Variants in STK33 observed in about 807,000 individuals in gnomAD.
STK33 encodes the protein serine/threonine-protein kinase 33.
STK33 carries 52 observed loss-of-function variants against 58.0 expected under a neutral mutation model. The ratio of observed to expected loss-of-function variants is 0.90; its 90% CI spans 0.72 to 1.13. The LOEUF (loss-of-function observed/expected upper bound fraction) is 1.13, where lower values mean the gene tolerates loss of function less well. Among genes scored for constraint, STK33 ranks in the 50% most tolerant of loss-of-function variants. STK33 has a pLI of 0.00. For synonymous variants in STK33, 215 were observed against 200.1 expected (o/e 1.07, Z -0.63); for missense variants, 630 against 604.2 (o/e 1.04, Z -0.45).
At chr11:8,479,266 C>T (rs1219088437) in intron 2 of STK33, among the ~76,000 whole-genome samples, 3 of 151,906 alleles carry the variant, frequency 2.0e-5, no homozygotes, top group Non-Finnish European at 1.5e-5. Context: ...AACCCCATCT[C>T]TACTAAAAAT....
chr11:8,379,818 T>C, the STK33 span, among the ~76,000 whole-genome samples: 1 of 151,970 alleles, frequency 6.6e-6, no homozygotes, highest in African/African-American at 2.4e-5. Flanking sequence ...GTGGTTCCCC[T>C]CTTTGTGCTA....
rs566537103 is a variant in STK33 at position 8,457,260 on chromosome 11, T to C, written c.697+81A>G. ...TTAGCAGGTGTTATTTATATGACTA[T>C]GAATCTGGAATACAATTACCCTTAA... On this transcript the variant is annotated intron_variant, in intron 9 of 15. Coordinates refer to ENST00000687296, the MANE Select transcript of STK33 (RefSeq NM_001352389.2). 2.2e-5 allele frequency: 28 copies of C among 1,273,106 alleles called. No individual in the cohort carries two copies. In the South Asian group the frequency reaches 5.0e-4, roughly 23 times the overall value. The allele number at this position is 1,273,106 out of a possible 1,614,324, so 78.9% of individuals were successfully genotyped here. A position where few individuals can be genotyped will look rare whatever the true frequency, so the allele number is the denominator to read the frequency against.
At chr11:8,412,300 C>T (rs1172088703) in intron 15 of STK33, among the ~76,000 whole-genome samples, 3 of 152,064 alleles carry the variant, frequency 2.0e-5, no homozygotes, top group Non-Finnish European at 2.9e-5. Flanking sequence ...ATAAAATACA[C>T]TCAAGAGCTA....
intron 15 of STK33, among the ~76,000 whole-genome samples, chr11:8,409,090 G>C (rs1409830559): frequency 6.6e-6 from 1 of 152,184 alleles, no homozygotes; most frequent in African/African-American, 2.4e-5. Context: ...GGTCAACCTT[G>C]CAAATAAATA....
At chr11:8,503,225 C>T (rs1951639692) in intron 1 of STK33, among the ~76,000 whole-genome samples, 1 of 152,154 alleles carries the variant, frequency 6.6e-6, no homozygotes, top group Non-Finnish European at 1.5e-5. Flanking sequence ...CCTAAATGTC[C>T]ATCCACGGTA....
intron 14 of STK33, among the ~76,000 whole-genome samples, chr11:8,414,696 CAATT>C (rs1940858044): frequency 6.6e-6 from 1 of 152,110 alleles, no homozygotes; most frequent in African/African-American, 2.4e-5. Context: ...GATCACTACG[CAATT>C]AATTCTCTGT....
the STK33 span, among the ~76,000 whole-genome samples, chr11:8,372,695 C>T: frequency 2.0e-5 from 3 of 152,258 alleles, no homozygotes; most frequent in South Asian, 2.1e-4. Context: ...CTGGGACAGG[C>T]GTACTGCCTC....
intron 1 of STK33, among the ~76,000 whole-genome samples, chr11:8,507,092 T>A (rs919244424): frequency 3.9e-5 from 6 of 152,170 alleles, no homozygotes; most frequent in Non-Finnish European, 7.3e-5. Context: ...GAAAATTCAG[T>A]CCATTTTCCA....
the STK33 span, among the ~76,000 whole-genome samples, chr11:8,380,947 A>C: frequency 1.3e-5 from 2 of 152,346 alleles, no homozygotes; most frequent in African/African-American, 4.8e-5. Flanking sequence ...AAAAAGAATG[A>C]AATAATGTCT....
At chr11:8,374,273 C>T in the STK33 span, among the ~76,000 whole-genome samples, 1 of 152,192 alleles carries the variant, frequency 6.6e-6, no homozygotes, top group Non-Finnish European at 1.5e-5. Flanking sequence ...CTCCCTAGCT[C>T]CCACCCCCAA....
chr11:8,375,221 C>T, the STK33 span, among the ~76,000 whole-genome samples: 2 of 152,196 alleles, frequency 1.3e-5, no homozygotes, highest in African/African-American at 4.8e-5. Flanking sequence ...TCAATTTAGT[C>T]GCTTGTTGGT....
At chr11:8,534,568 CTGTG>C (rs34999243) in intron 1 of STK33, among the ~76,000 whole-genome samples, 11 of 104,692 alleles carry the variant, frequency 1.1e-4, no homozygotes, top group African/African-American at 1.6e-4. Context: ...CTCTCTCTCT[CTGTG>C]TGTGTGTGTG....
chr11:8,409,842 A>G (rs547844351), intron 15 of STK33, among the ~76,000 whole-genome samples: 1 of 152,272 alleles, frequency 6.6e-6, no homozygotes, highest in African/African-American at 2.4e-5. Context: ...GCATGATTTC[A>G]CCTAGCACTT....
chr11:8,335,999 C>T, the STK33 span, among the ~76,000 whole-genome samples: 1 of 152,184 alleles, frequency 6.6e-6, no homozygotes, highest in African/African-American at 2.4e-5. Context: ...TTGCTCATGG[C>T]CAAATGCAAA....
At chr11:8,523,781 G>A (rs926741998) in intron 1 of STK33, among the ~76,000 whole-genome samples, 2 of 152,118 alleles carry the variant, frequency 1.3e-5, no homozygotes, top group Admixed American at 6.5e-5. Flanking sequence ...GGGAAGTGAG[G>A]AGCCCCTCTG....
intron 1 of STK33, among the ~76,000 whole-genome samples, chr11:8,573,359 G>T (rs1056039458): frequency 3.9e-5 from 6 of 152,090 alleles, no homozygotes; most frequent in Admixed American, 1.3e-4. Flanking sequence ...TTAGGCTTTG[G>T]GGAAATGTGA....
At chr11:8,589,192 T>C (rs1265807401) in intron 1 of STK33, among the ~76,000 whole-genome samples, 1 of 151,994 alleles carries the variant, frequency 6.6e-6, no homozygotes, top group Non-Finnish European at 1.5e-5. Flanking sequence ...TAATATATGT[T>C]CACACAAAAA....
intron 15 of STK33, among the ~76,000 whole-genome samples, chr11:8,409,750 A>G (rs1939888061): frequency 6.6e-6 from 1 of 152,180 alleles, no homozygotes; most frequent in Admixed American, 6.5e-5. Flanking sequence ...GTAATATTCT[A>G]TATACATTTT....
rs147605900 is a variant in STK33 at position 8,592,045 on chromosome 11, T to C, written c.-466+2038A>G. Reference sequence around the variant, plus strand: ...TTCCTTGTCTGTCTTGGTCTTTGCCTCCTACCTGGATGCTCTCTTTCTTCC... The same window carrying C: ...TTCCTTGTCTGTCTTGGTCTTTGCCCCCTACCTGGATGCTCTCTTTCTTCC... On this transcript the variant is annotated intron_variant, in intron 1 of 15. Coordinates refer to ENST00000687296, the MANE Select transcript of STK33 (RefSeq NM_001352389.2). Among the ~76,000 whole-genome samples, 1,416 of 152,250 alleles carry C rather than the reference T, an allele frequency of 9.3e-3. 8 individuals carry two copies. The highest frequency in any genetic ancestry group is 0.014 in the Non-Finnish European group (958 of 68,012).
Sources: gnomAD v4.1 joint callset for allele counts (sites outside exome capture counted in the v4.1 genomes callset) on GRCh38, gnomAD v4.1.1 for gene constraint, MANE v1.5 for transcripts, NCBI Gene and HGNC (gene_info 2026-07-23, HGNC 2026-07-21) for gene names.